Variants in ITGA9 observed in about 807,000 individuals in gnomAD.
The protein encoded by ITGA9 is integrin alpha-9.
In ITGA9, 56 loss-of-function variants were observed where a neutral mutation model predicts 127.8. The ratio of observed to expected loss-of-function variants is 0.44; its 90% confidence interval spans 0.35 to 0.55. The LOEUF (loss-of-function observed/expected upper bound fraction) is 0.55, where lower values mean the gene tolerates loss of function less well. Among genes scored for constraint, ITGA9 ranks in the 20% least tolerant of loss-of-function variants. ITGA9 has a pLI of 0.00. For missense variants in ITGA9, 1,196 were observed against 1,347.1 expected, an observed-to-expected ratio of 0.89 and a Z score of 1.76; for synonymous variants, 508 against 514.5, an observed-to-expected ratio of 0.99 and a Z score of 0.17.
chr3:37,503,799 T>C (rs540371459), intron 6 of ITGA9, among the ~76,000 whole-genome samples: 1 of 152,356 alleles, frequency 6.6e-6, no homozygotes, highest in Non-Finnish European at 1.5e-5. Flanking sequence ...CTTAACTCTT[T>C]TAATCTTCTG....
chr3:37,618,272 C>G (rs187289604), intron 15 of ITGA9, among the ~76,000 whole-genome samples: 1 of 152,358 alleles, frequency 6.6e-6, no homozygotes, highest in African/African-American at 2.4e-5. Context: ...GGCTGCAGAA[C>G]AGTGGATATT....
chr3:37,526,136 A>G (rs749142950), intron 13 of ITGA9, 65 bp downstream of exon 13: 4 of 1,338,772 alleles, frequency 3.0e-6, no homozygotes, highest in Non-Finnish European at 4.3e-6. Flanking sequence ...GCCATTCACC[A>G]TTCATGGGCT....
At chr3:37,759,913 AC>A in intron 23 of ITGA9, among the ~76,000 whole-genome samples, 1 of 151,282 alleles carries the variant, frequency 6.6e-6, no homozygotes, top group Middle Eastern at 3.4e-3. Context: ...CAAAAAAAAA[AC>A]AACAAATAAA....
intron 15 of ITGA9, among the ~76,000 whole-genome samples, chr3:37,616,240 A>G (rs1700073198): frequency 6.6e-6 from 1 of 152,152 alleles, no homozygotes; most frequent in Non-Finnish European, 1.5e-5. Context: ...GTCATTCAGG[A>G]GCAGGTTGTT....
chr3:37,660,605 A>G (rs115409001), intron 17 of ITGA9, among the ~76,000 whole-genome samples: 52 of 152,350 alleles, frequency 3.4e-4, no homozygotes, highest in African/African-American at 6.3e-4. Context: ...CCAGTAATCA[A>G]TAATGCTTGA....
intron 26 of ITGA9, among the ~76,000 whole-genome samples, chr3:37,793,454 C>T (rs958367494): frequency 2.6e-5 from 4 of 151,460 alleles, no homozygotes; most frequent in Admixed American, 6.6e-5. Flanking sequence ...ACACATCACA[C>T]CCCTGCAGCA....
At chr3:37,463,940 G>C (rs540810317) in intron 1 of ITGA9, among the ~76,000 whole-genome samples, 1 of 152,330 alleles carries the variant, frequency 6.6e-6, no homozygotes, top group Admixed American at 6.5e-5. Context: ...ATGTGTCACA[G>C]TAATCTGCAT....
chr3:37,780,082 G>A, intron 25 of ITGA9, 61 bp downstream of exon 25: 1 of 1,600,542 alleles, frequency 6.2e-7, no homozygotes, highest in Non-Finnish European at 8.5e-7. Context: ...GTTGACATCT[G>A]ATTTTGGGTA....
rs542144399 is a variant in ITGA9 at position 37,524,836 on chromosome 3, C to T, written c.1328-1190C>T. Among the ~76,000 whole-genome samples, 424 of 152,322 alleles carry T rather than the reference C, an allele frequency of 2.8e-3. 2 individuals carry two copies. Among genetic ancestry groups the T allele is most frequent in the African/African-American group, 9.9e-3 (411 of 41,562 alleles). ...AGGTGAGCAAGGTGTTCACAGTTCA[C>T]AATGGATCTGAATTTCTGATCTTGT... is the stretch of plus-strand genomic sequence containing the variant. On this transcript the variant is annotated intron_variant, in intron 12 of 27. Transcript: ENST00000264741.
intron 10 of ITGA9, among the ~76,000 whole-genome samples, chr3:37,518,948 C>A (rs1212262723): frequency 6.6e-6 from 1 of 151,810 alleles, no homozygotes; most frequent in African/African-American, 2.4e-5. Flanking sequence ...CCACACCCAG[C>A]TAATTTTTGT....
At chr3:37,476,295 G>A (rs1043298246) in intron 3 of ITGA9, among the ~76,000 whole-genome samples, 2 of 151,452 alleles carry the variant, frequency 1.3e-5, no homozygotes, top group Non-Finnish European at 2.9e-5. Flanking sequence ...AGCATTTTAA[G>A]TTCTCACCAA....
At chr3:37,670,785 G>C (rs761101783) in intron 17 of ITGA9, among the ~76,000 whole-genome samples, 1 of 152,180 alleles carries the variant, frequency 6.6e-6, no homozygotes, top group East Asian at 1.9e-4. Flanking sequence ...CAGGAGAAAA[G>C]ATTCAAAATC....
chr3:37,513,424 C>T (rs1307535065), intron 8 of ITGA9, among the ~76,000 whole-genome samples: 1 of 151,184 alleles, frequency 6.6e-6, no homozygotes, highest in African/African-American at 2.4e-5. Flanking sequence ...AGGGATGTTT[C>T]TTTTTTTTTA....
At chr3:37,783,345 A>T (rs1697001103) in intron 25 of ITGA9, among the ~76,000 whole-genome samples, 1 of 151,984 alleles carries the variant, frequency 6.6e-6, no homozygotes, top group Non-Finnish European at 1.5e-5. Context: ...GTTTTTATTT[A>T]AAAAAATATT....
intron 15 of ITGA9, among the ~76,000 whole-genome samples, chr3:37,543,770 C>G (rs377413291): frequency 2.0e-5 from 3 of 152,198 alleles, no homozygotes; most frequent in Middle Eastern, 3.2e-3. Context: ...AGATGCCCCA[C>G]ACACCCATGG....
intron 26 of ITGA9, among the ~76,000 whole-genome samples, chr3:37,792,003 C>T (rs1167397259): frequency 3.3e-5 from 5 of 152,136 alleles, no homozygotes; most frequent in African/African-American, 1.2e-4. Context: ...CCCCCTTGAA[C>T]CTCACATTAT....
intron 24 of ITGA9, 120 bp downstream of exon 24, chr3:37,777,637 A>G: frequency 8.6e-7 from 1 of 1,158,248 alleles, no homozygotes; most frequent in South Asian, 1.3e-5. Context: ...TTACAAAGGC[A>G]CAGACTGTGG....
intron 18 of ITGA9, among the ~76,000 whole-genome samples, chr3:37,729,134 C>T (rs1475553717): frequency 3.9e-5 from 6 of 152,056 alleles, no homozygotes. Flanking sequence ...AGCATCCACA[C>T]AAGGAGTGGT....
At chr3:37,472,914 G>A (rs1307575294) in intron 2 of ITGA9, among the ~76,000 whole-genome samples, 11 of 151,694 alleles carry the variant, frequency 7.3e-5, no homozygotes, top group East Asian at 3.9e-4. Flanking sequence ...TGGGGTGGGC[G>A]GATCACTTGA....
Sources: gnomAD v4.1 joint callset for allele counts (sites outside exome capture counted in the v4.1 genomes callset) on GRCh38, gnomAD v4.1.1 for gene constraint, MANE v1.5 for transcripts, NCBI Gene and HGNC (gene_info 2026-07-23, HGNC 2026-07-21) for gene names.